The following LPAR3 variants were observed in gnomAD, a reference collection of about 807,000 sequenced individuals.
The protein encoded by LPAR3 is lysophosphatidic acid receptor 3.
Under a neutral mutation model 17.8 loss-of-function variants are expected in LPAR3, and 7 were observed. The observed-to-expected ratio is 0.39, with a 90% CI of 0.22 to 0.74. The LOEUF (loss-of-function observed/expected upper bound fraction) is 0.74. Ranked by LOEUF, LPAR3 falls within the 30% of genes least tolerant of loss-of-function variation. The pLI is 0.40. For missense variants in LPAR3, 391 were observed against 453.4 expected (o/e 0.86, Z 1.25); for synonymous variants, 179 against 179.9 (o/e 0.99, Z 0.04).
chr1:84,884,502 GA>G (rs1377844839), intron 1 of LPAR3, among the ~76,000 whole-genome samples: 2 of 152,106 alleles, frequency 1.3e-5, no homozygotes, highest in Non-Finnish European at 2.9e-5. Context: ...GTTTATGGAG[GA>G]AAATCTATAT....
In LPAR3 at chr1:84,879,316, C is replaced by CTTTTTCTTT. The variant is rs1553149966; in HGVS notation, c.-18-13179_-18-13178insAAAGAAAAA. Among the ~76,000 whole-genome samples the CTTTTTCTTT allele has an allele frequency of 3.3e-5, 4 of 120,602 alleles. 1 individual carries two copies. Among genetic ancestry groups the CTTTTTCTTT allele is most frequent in the African/African-American group, 1.4e-4 (4 of 28,610 alleles). 79.1% of individuals were successfully genotyped at this position (120,602 alleles called of 152,430 possible). A position where few individuals can be genotyped will look rare whatever the true frequency, so the allele number is the denominator to read the frequency against. On this transcript the variant is annotated intron_variant, in intron 1 of 2. Transcript: ENST00000370611. ...TTTTCTTTCTTTTCTTTTCTTTTTT[C>CTTTTTCTTT]TTTTTTTTTTTTTGAGATGGAATCT...
intron 2 of LPAR3, among the ~76,000 whole-genome samples, chr1:84,822,191 A>G (rs768931138): frequency 6.6e-6 from 1 of 152,000 alleles, no homozygotes; most frequent in Non-Finnish European, 1.5e-5. Flanking sequence ...TATATTGATA[A>G]GAAGCAATTT....
At chr1:84,869,636 T>C (rs1026045136) in intron 1 of LPAR3, among the ~76,000 whole-genome samples, 1 of 152,222 alleles carries the variant, frequency 6.6e-6, no homozygotes, top group Admixed American at 6.5e-5. Flanking sequence ...TAGTTAAGAA[T>C]GGTGGAACTG....
chr1:84,858,743 T>C (rs1659877994), intron 2 of LPAR3, among the ~76,000 whole-genome samples: 1 of 152,138 alleles, frequency 6.6e-6, no homozygotes, highest in South Asian at 2.1e-4. Context: ...CTGTTAGATA[T>C]GTAGAGACAG....
intron 1 of LPAR3, among the ~76,000 whole-genome samples, chr1:84,867,482 C>T (rs1465245666): frequency 6.6e-6 from 1 of 152,114 alleles, no homozygotes; most frequent in Non-Finnish European, 1.5e-5. Context: ...TCTAATACCA[C>T]AACCAGAATC....
chr1:84,872,675 A>T (rs1240232098), intron 1 of LPAR3, among the ~76,000 whole-genome samples: 1 of 152,218 alleles, frequency 6.6e-6, no homozygotes, highest in Admixed American at 6.6e-5. Context: ...CCAAATAAAT[A>T]ACATAGATAT....
intron 2 of LPAR3, among the ~76,000 whole-genome samples, chr1:84,837,947 T>C (rs1324919143): frequency 6.6e-6 from 1 of 152,186 alleles, no homozygotes; most frequent in African/African-American, 2.4e-5. Flanking sequence ...CTAGGACATC[T>C]ACTTGTGAAA....
intron 2 of LPAR3, among the ~76,000 whole-genome samples, chr1:84,854,200 CCCT>C: frequency 6.6e-6 from 1 of 152,262 alleles, no homozygotes; most frequent in South Asian, 2.1e-4. Context: ...CTACCCACGG[CCCT>C]GGCATGGCCT....
chr1:84,892,101 T>C (rs1660563028), intron 1 of LPAR3, among the ~76,000 whole-genome samples: 1 of 151,712 alleles, frequency 6.6e-6, no homozygotes, highest in South Asian at 2.1e-4. Context: ...CAATCCCAGC[T>C]ACTAGGGAGG....
intron 2 of LPAR3, among the ~76,000 whole-genome samples, chr1:84,815,714 T>C (rs1452794438): frequency 6.6e-6 from 1 of 152,124 alleles, no homozygotes; most frequent in Non-Finnish European, 1.5e-5. Context: ...AACCCAACTA[T>C]GTGAGGTGGT....
intron 2 of LPAR3, among the ~76,000 whole-genome samples, chr1:84,864,710 G>T (rs190720311): frequency 6.6e-6 from 1 of 152,156 alleles, no homozygotes; most frequent in African/African-American, 2.4e-5. Flanking sequence ...TTGAACTCGG[G>T]AGGTGGAGGT....
At chr1:84,853,832 T>C (rs932872617) in intron 2 of LPAR3, among the ~76,000 whole-genome samples, 11 of 152,208 alleles carry the variant, frequency 7.2e-5, no homozygotes, top group African/African-American at 2.7e-4. Flanking sequence ...AGATCCTACA[T>C]GGGCTCTTTC....
intron 1 of LPAR3, among the ~76,000 whole-genome samples, chr1:84,876,139 T>C (rs1291200337): frequency 6.6e-6 from 1 of 152,212 alleles, no homozygotes; most frequent in Non-Finnish European, 1.5e-5. Flanking sequence ...TATGCCTTGG[T>C]TAGGAAGCAG....
At chr1:84,823,365 C>A (rs1227514509) in intron 2 of LPAR3, among the ~76,000 whole-genome samples, 1 of 151,778 alleles carries the variant, frequency 6.6e-6, no homozygotes, top group Admixed American at 6.6e-5. Context: ...AGATTGTCAC[C>A]GATGTGAAAG....
chr1:84,871,301 G>A (rs1217298143), intron 1 of LPAR3, among the ~76,000 whole-genome samples: 3 of 152,170 alleles, frequency 2.0e-5, no homozygotes, highest in Non-Finnish European at 4.4e-5. Context: ...CATGAGCAAA[G>A]CTTTCATTTA....
At chr1:84,843,836 T>C (rs1056817463) in intron 2 of LPAR3, among the ~76,000 whole-genome samples, 3 of 152,246 alleles carry the variant, frequency 2.0e-5, no homozygotes, top group Admixed American at 2.0e-4. Flanking sequence ...GCCTTTTGCA[T>C]CTGCTGTTGC....
At chr1:84,866,180 A>T (rs1480984268) in intron 1 of LPAR3, 42 bp from the exon 2 acceptor site, 37 of 1,424,698 alleles carry the variant, frequency 2.6e-5, no homozygotes, top group Non-Finnish European at 3.4e-5. Context: ...CATTTGTAAA[A>T]TCAGTCACTA....
At chr1:84,829,330 T>G (rs1463676671) in intron 2 of LPAR3, among the ~76,000 whole-genome samples, 1 of 151,992 alleles carries the variant, frequency 6.6e-6, no homozygotes, top group Non-Finnish European at 1.5e-5. Flanking sequence ...CTAGAGATTC[T>G]GATTCCATGA....
At chr1:84,887,231 G>C (rs955673192) in intron 1 of LPAR3, among the ~76,000 whole-genome samples, 1 of 150,260 alleles carries the variant, frequency 6.7e-6, no homozygotes, top group African/African-American at 2.4e-5. Flanking sequence ...AAAAAAATAA[G>C]CCAGGTGTGG....
Sources: allele counts gnomAD v4.1 joint callset (sites outside exome capture counted in the v4.1 genomes callset), GRCh38; gene constraint gnomAD v4.1.1; transcripts MANE v1.5; gene names NCBI Gene and HGNC (gene_info 2026-07-23, HGNC 2026-07-21).